Variants in BEST4 observed in about 807,000 individuals in gnomAD.
The protein encoded by BEST4 is bestrophin-4.
Under a neutral mutation model 47.1 loss-of-function variants are expected in BEST4, and 36 were observed. The ratio of observed to expected loss-of-function variants is 0.76; its 90% CI spans 0.59 to 1.01. The LOEUF (loss-of-function observed/expected upper bound fraction) is 1.01, where lower values mean the gene tolerates loss of function less well. BEST4 is among the 50% of genes least tolerant of loss of function. BEST4 has a pLI of 0.00. For missense variants in BEST4, 550 were observed against 648.6 expected, an observed-to-expected ratio of 0.85 and a Z score of 1.65; for synonymous variants, 250 against 277.8, an observed-to-expected ratio of 0.90 and a Z score of 1.00.
In BEST4 at chr1:44,784,327, G is replaced by T. The variant is rs1432937407; in HGVS notation, c.1305C>A (p.Gly435=). 7.2e-7 allele frequency: 1 copy of T among 1,394,242 alleles called. No homozygotes were observed. Among genetic ancestry groups the T allele is most frequent in the South Asian group, 1.6e-5 (1 of 63,110 alleles). 86.4% of individuals were successfully genotyped at this position (1,394,242 alleles called of 1,614,324 possible). The part of the protein sequence containing the change: ...ISLRNFGRVR[G]TPRPPHLLRF... ...GCAGCAGATGCGGGGGGCGGGGGGTGCCTCGCACGCGGCCGAAGTTCCGGA... is the reference window on the plus strand; with the variant it reads ...GCAGCAGATGCGGGGGGCGGGGGGTTCCTCGCACGCGGCCGAAGTTCCGGA... The change falls in exon 9 of 9, where the codon GGC becomes GGA. Residue 435 remains glycine, a synonymous_variant. Coordinates refer to ENST00000372207, the MANE Select transcript of BEST4 (RefSeq NM_153274.3). This position sits in a 1 kb window ranked among gnomAD's most constrained non-coding sequence, Gnocchi z 6.2.
In BEST4 at chr1:44,784,111, C is replaced by G; in HGVS notation, c.*99G>C. On this transcript the variant is annotated 3_prime_UTR_variant, in exon 9 of 9. Transcript: ENST00000372207. The surrounding 1 kb of genome is among the most constrained non-coding windows in gnomAD (Gnocchi z 6.2). ...CCTAAATGCTCTGGCCTTCAAGGCACACAGGAAAAGCTGCTCTAATAGAGC... is the reference window on the plus strand; with the variant it reads ...CCTAAATGCTCTGGCCTTCAAGGCAGACAGGAAAAGCTGCTCTAATAGAGC... 1 of 1,186,318 alleles carries G rather than the reference C, an allele frequency of 8.4e-7. No homozygotes were observed. The highest frequency in any genetic ancestry group is 1.1e-6 in the Non-Finnish European group (1 of 913,188). The allele number at this position is 1,186,318 out of a possible 1,614,324, so 73.5% of individuals were successfully genotyped here.
upstream of BEST4, among the ~76,000 whole-genome samples, chr1:44,790,049 C>A (rs1206828228): frequency 1.3e-5 from 2 of 152,228 alleles, no homozygotes; most frequent in Non-Finnish European, 2.9e-5. Flanking sequence ...GAACGCCTAA[C>A]CTCATGGGGC....
rs1192927783 is a variant in BEST4, at chr1:44,786,351, C to G, written c.481+112G>C. On this transcript the variant is annotated intron_variant, in intron 3 of 8. Transcript: ENST00000372207. The surrounding 1 kb of genome is among the most constrained non-coding windows in gnomAD (Gnocchi z 4.9). ...GTCCCAGGACTCGCGGTTCCGCGTT[C>G]CTGTCGCAGTCCAGACCCTTCCCTG... The G allele has an allele frequency of 1.4e-6, 2 of 1,452,012 alleles. No homozygotes were observed. The highest frequency in any genetic ancestry group is 1.8e-6 in the Non-Finnish European group (2 of 1,084,144). The allele number at this position is 1,452,012 out of a possible 1,614,324, so 89.9% of individuals were successfully genotyped here. A position where few individuals can be genotyped will look rare whatever the true frequency, so the allele number is the denominator to read the frequency against.
In BEST4 at chr1:44,784,452, C is replaced by A. The variant is rs1651143524; in HGVS notation, c.1180G>T (p.Val394Leu). The change falls in exon 9 of 9, where the codon GTG (valine) becomes TTG (leucine). Residue 394 changes from valine (V) to leucine (L), a missense_variant. Val to Leu is a conservative substitution (Grantham distance 32, BLOSUM62 1). Around this residue, in one of 3 missense-constraint regions of BEST4, gnomAD observed 255 missense variants for 286.6 expected, o/e 0.89. Transcript: ENST00000372207. The surrounding 1 kb of genome is among the most constrained non-coding windows in gnomAD (Gnocchi z 6.2). Reference protein sequence around the residue: ...MSDDPEQSLQVEASPGSGRPA... With the variant: ...MSDDPEQSLQLEASPGSGRPA... ...CGACCAGATCCGGGGGACGCCTCCA[C>A]CTGCAGGCTCTGCTCAGGGTCGTCG... 8 of 1,445,492 alleles carry A rather than the reference C, an allele frequency of 5.5e-6. No homozygotes were observed. Among genetic ancestry groups the A allele is most frequent in the Non-Finnish European group, 6.3e-6 (7 of 1,109,152 alleles). The allele number at this position is 1,445,492 out of a possible 1,614,324, so 89.5% of individuals were successfully genotyped here.
At chr1:44,782,793 C>T (rs1445432611), downstream of BEST4, among the ~76,000 whole-genome samples, 1 of 152,220 alleles carries the variant, frequency 6.6e-6, no homozygotes, top group Non-Finnish European at 1.5e-5. Flanking sequence ...CCCCCTCTGT[C>T]TTCCTCCTCT....
downstream of BEST4, among the ~76,000 whole-genome samples, chr1:44,782,235 G>GAA (rs66802601): frequency 4.9e-3 from 630 of 128,106 alleles, 2 homozygotes; most frequent in African/African-American, 0.015. Flanking sequence ...AAAAGCTGCA[G>GAA]AAAAAAAAAA....
chr1:44,784,442 G>C lies in BEST4; in HGVS notation c.1190C>G (p.Ser397Cys). Residue 397 changes from serine (S) to cysteine (C), a missense_variant, in exon 9 of 9, where the codon TCC becomes TGC. By Grantham distance (112) the Ser-to-Cys change is moderately radical. Coordinates refer to ENST00000372207, the MANE Select transcript of BEST4 (RefSeq NM_153274.3). The surrounding 1 kb of genome is among the most constrained non-coding windows in gnomAD (Gnocchi z 6.2). The stretch of plus-strand genomic sequence containing the variant: ...GGGCGCGGGCCGACCAGATCCGGGG[G>C]ACGCCTCCACCTGCAGGCTCTGCTC... ...DPEQSLQVEA[S>C]PGSGRPAPAA... 3.0e-6 allele frequency: 4 copies of C among 1,328,368 alleles called. No individual in the cohort carries two copies. The highest frequency in any genetic ancestry group is 3.8e-6 in the Non-Finnish European group (4 of 1,040,036). The allele number at this position is 1,328,368 out of a possible 1,614,324, so 82.3% of individuals were successfully genotyped here.
upstream of BEST4, among the ~76,000 whole-genome samples, chr1:44,789,250 AAAAAAAAAG>A (rs939765997): frequency 3.5e-5 from 5 of 144,454 alleles, no homozygotes; most frequent in African/African-American, 7.7e-5. Flanking sequence ...ATCAAAAAAA[AAAAAAAAAG>A]AAAAGAAAGA....
At chr1:44,790,293 T>C (rs1434322097), upstream of BEST4, among the ~76,000 whole-genome samples, 1 of 152,216 alleles carries the variant, frequency 6.6e-6, no homozygotes, top group African/African-American at 2.4e-5. Flanking sequence ...TCCTGGCTTT[T>C]AAGCTGAATA....
downstream of BEST4, among the ~76,000 whole-genome samples, chr1:44,782,403 G>T (rs1280194334): frequency 4.6e-5 from 7 of 152,048 alleles, no homozygotes; most frequent in Non-Finnish European, 4.4e-5. Context: ...TGAGGCGGGT[G>T]GATCACCTGA....
rs145787289 is a variant in BEST4 at position 44,786,209 on chromosome 1, C to G, written c.501G>C (p.Glu167Asp). ...ATTTCAGGCTCTCAAACTTTTTCCT[C>G]TCTTCCTGGGACATGAAACCTGAGG... ...VVDAGFMSQE[E>D]RKKFESLKSD... Residue 167 changes from glutamate (E) to aspartate (D), a missense_variant, in exon 4 of 9, where the codon GAG becomes GAC. Transcript: ENST00000372207. This position sits in a 1 kb window ranked among gnomAD's most constrained non-coding sequence, Gnocchi z 4.9. 10 of 1,613,572 alleles carry G rather than the reference C, an allele frequency of 6.2e-6. No individual in the cohort carries two copies. In the African/African-American group the frequency reaches 8.0e-5, roughly 13 times the overall value.
At chr1:44,785,432 G>A (rs1651183473) in intron 5 of BEST4, 127 bp from the exon 6 acceptor site, 1 of 1,239,132 alleles carries the variant, frequency 8.1e-7, no homozygotes, top group Non-Finnish European at 1.1e-6. Context: ...GGCAGTACCA[G>A]TGGGGACAGG....
chr1:44,785,983 G>A (rs1431806325), intron 4 of BEST4, 91 bp downstream of exon 4: 3 of 1,477,248 alleles, frequency 2.0e-6, no homozygotes, highest in Admixed American at 4.4e-5. Flanking sequence ...GTACACAGCT[G>A]ATGCCATACA....
downstream of BEST4, among the ~76,000 whole-genome samples, chr1:44,782,097 G>A (rs1651056456): frequency 2.0e-5 from 3 of 152,088 alleles, no homozygotes; most frequent in Admixed American, 1.3e-4. Context: ...CTGGGGAGGT[G>A]GAGGTTGCAG....
chr1:44,783,388 C>T (rs948436739), downstream of BEST4, among the ~76,000 whole-genome samples: 3 of 118,010 alleles, frequency 2.5e-5, no homozygotes, highest in East Asian at 2.6e-4. Flanking sequence ...AAGAGCTTGG[C>T]ACACAAGTCC....
In BEST4 at chr1:44,785,451, G is replaced by T. The variant is rs890735355; in HGVS notation, c.715-146C>A. ...GTACCAGTGGGGACAGGGTCACCTT[G>T]TTGGGGGTGGTGGGGGGCTTTTAGG... is the stretch of plus-strand genomic sequence containing the variant. On this transcript the variant is annotated intron_variant, in intron 5 of 8. Coordinates refer to ENST00000372207, the MANE Select transcript of BEST4 (RefSeq NM_153274.3). The T allele has an allele frequency of 5.9e-6, 7 of 1,190,658 alleles. No individual in the cohort carries two copies. In the African/African-American group the frequency reaches 6.2e-5, roughly 10 times the overall value. The allele number at this position is 1,190,658 out of a possible 1,614,324, so 73.8% of individuals were successfully genotyped here. A position where few individuals can be genotyped will look rare whatever the true frequency, so the allele number is the denominator to read the frequency against.
upstream of BEST4, among the ~76,000 whole-genome samples, chr1:44,790,572 C>G (rs552094206): frequency 1.3e-5 from 2 of 152,140 alleles, no homozygotes; most frequent in South Asian, 2.1e-4. Flanking sequence ...AGGGAGATCT[C>G]CCCTCTAGCC....
rs141277899 is a variant in BEST4, at chr1:44,786,122, C to A, written c.588G>T (p.Arg196=). ...TATCGTCACGTATTCGCCCGTCCCT[C>A]CGGGCCTGGGCCGCCAGGTTGGTGA... ...VWFTNLAAQA[R]RDGRIRDDIA... The change falls in exon 4 of 9, where the codon CGG becomes CGT. Residue 196 remains arginine, a synonymous_variant. Coordinates refer to ENST00000372207, the MANE Select transcript of BEST4 (RefSeq NM_153274.3). This position sits in a 1 kb window ranked among gnomAD's most constrained non-coding sequence, Gnocchi z 4.9. The A allele has an allele frequency of 6.2e-7, 1 of 1,613,862 alleles. No individual in the cohort carries two copies. Among genetic ancestry groups the A allele is most frequent in the Non-Finnish European group, 8.5e-7 (1 of 1,179,948 alleles).
rs1016270608 is a variant in BEST4, at chr1:44,786,200, C to T, written c.510G>A (p.Lys170=). Reference sequence around the variant, plus strand: ...TGAAGTCGGATTTCAGGCTCTCAAACTTTTTCCTCTCTTCCTGGGACATGA... The same window carrying T: ...TGAAGTCGGATTTCAGGCTCTCAAATTTTTTCCTCTCTTCCTGGGACATGA... ...AGFMSQEERK[K]FESLKSDFNK... The change falls in exon 4 of 9, where the codon AAG becomes AAA. Residue 170 remains lysine, a synonymous_variant. Transcript: ENST00000372207. This position sits in a 1 kb window ranked among gnomAD's most constrained non-coding sequence, Gnocchi z 4.9. 1 of 1,613,776 alleles carries T rather than the reference C, an allele frequency of 6.2e-7. No homozygotes were observed. Among genetic ancestry groups the T allele is most frequent in the Non-Finnish European group, 8.5e-7 (1 of 1,179,904 alleles).
Sources: gnomAD v4.1 joint callset for allele counts (sites outside exome capture counted in the v4.1 genomes callset) on GRCh38, gnomAD v4.1.1 for gene constraint, gnomAD v4.1.1 regional missense constraint, Gnocchi (gnomAD v3.1) non-coding constraint, MANE v1.5 for transcripts, NCBI Gene and HGNC (gene_info 2026-07-23, HGNC 2026-07-21) for gene names.